VOPP1: variants seen among roughly 807,000 people sequenced by gnomAD.
VOPP1 encodes the protein WW domain binding protein VOPP1.
A neutral mutation model predicts 23.5 loss-of-function variants in VOPP1; 8 were observed. The observed-to-expected ratio is 0.34, with a 90% CI of 0.20 to 0.61. The LOEUF is 0.61. VOPP1 is among the 20% of genes least tolerant of loss of function. VOPP1 has a pLI of 0.78. For synonymous variants in VOPP1, 83 were observed against 97.3 expected (o/e 0.85, Z 0.86); for missense variants, 174 against 238.1 (o/e 0.73, Z 1.77).
At chr7:55,565,026 C>A (rs1798119085) in intron 1 of VOPP1, among the ~76,000 whole-genome samples, 1 of 152,228 alleles carries the variant, frequency 6.6e-6, no homozygotes, top group Admixed American at 6.5e-5. Flanking sequence ...TTGTTCTGGT[C>A]TGAGGACATT....
At chr7:55,564,139 A>G (rs913695445) in intron 1 of VOPP1, among the ~76,000 whole-genome samples, 1 of 152,256 alleles carries the variant, frequency 6.6e-6, no homozygotes, top group African/African-American at 2.4e-5. Flanking sequence ...CACTCACCGC[A>G]GGCCTGGCTG....
rs564415097 is a variant in VOPP1, at chr7:55,490,288, C to G, written c.328+1994G>C. On this transcript the variant is annotated intron_variant, in intron 4 of 4. Coordinates refer to ENST00000285279, the MANE Select transcript of VOPP1 (RefSeq NM_030796.5). Reference sequence around the variant, plus strand: ...CTCCAGGGTGAGATAAGGGATGTGGCAGATCTAATCGCCTGGTTGCTGGGG... The same window carrying G: ...CTCCAGGGTGAGATAAGGGATGTGGGAGATCTAATCGCCTGGTTGCTGGGG... Among the ~76,000 whole-genome samples, 519 of 152,200 alleles carry G rather than the reference C, an allele frequency of 3.4e-3. 2 individuals are homozygous for G. The highest frequency in any genetic ancestry group is 0.024 in the Middle Eastern group (7 of 294).
chr7:55,536,918 G>A (rs1030092349), intron 1 of VOPP1, among the ~76,000 whole-genome samples: 2 of 152,170 alleles, frequency 1.3e-5, no homozygotes, highest in Admixed American at 1.3e-4. Context: ...CAGAATGGCA[G>A]CCAGACCGCA....
At chr7:55,444,844 G>C (rs1791056326) in intron 4 of VOPP1, among the ~76,000 whole-genome samples, 1 of 151,788 alleles carries the variant, frequency 6.6e-6, no homozygotes, top group Non-Finnish European at 1.5e-5. Flanking sequence ...TTTTCTGACA[G>C]TACCTTGGGT....
chr7:55,483,593 C>G (rs1792905084), intron 4 of VOPP1, among the ~76,000 whole-genome samples: 1 of 151,980 alleles, frequency 6.6e-6, no homozygotes, highest in South Asian at 2.1e-4. Context: ...GTTTATGATT[C>G]TCTCCAAAAG....
chr7:55,456,847 T>TA (rs1232638599), intron 4 of VOPP1, among the ~76,000 whole-genome samples: 3 of 152,134 alleles, frequency 2.0e-5, no homozygotes, highest in Non-Finnish European at 4.4e-5. Context: ...ACACCTAATG[T>TA]AGATGATGGG....
chr7:55,555,514 G>A (rs1003987589), intron 1 of VOPP1, among the ~76,000 whole-genome samples: 3 of 152,216 alleles, frequency 2.0e-5, no homozygotes, highest in African/African-American at 7.2e-5. Flanking sequence ...CACAGTGGGG[G>A]TAACCACTAG....
chr7:55,571,508 T>C (rs1470168769), intron 1 of VOPP1, among the ~76,000 whole-genome samples: 3 of 152,232 alleles, frequency 2.0e-5, no homozygotes. Context: ...ATTCCTCTAG[T>C]TCGCATTTTA....
intron 2 of VOPP1, among the ~76,000 whole-genome samples, chr7:55,513,213 C>T (rs1399173340): frequency 3.3e-5 from 5 of 152,042 alleles, no homozygotes; most frequent in Non-Finnish European, 7.4e-5. Flanking sequence ...CAGGACAGGC[C>T]CTGCCTCCCT....
intron 1 of VOPP1, among the ~76,000 whole-genome samples, chr7:55,534,373 C>T (rs1584057119): frequency 2.6e-5 from 4 of 152,194 alleles, no homozygotes; most frequent in Admixed American, 6.5e-5. Context: ...GTCATGGTCA[C>T]CTGTGGCTTG....
At chr7:55,538,852 C>T (rs1487475909) in intron 1 of VOPP1, among the ~76,000 whole-genome samples, 1 of 147,320 alleles carries the variant, frequency 6.8e-6, no homozygotes, top group African/African-American at 2.5e-5. Context: ...AGATGCAGAA[C>T]ACTGTCTATA....
rs373352328 is a variant in VOPP1 at position 55,473,058 on chromosome 7, C to A, written c.329-13G>T. 87 of 1,594,730 alleles carry A rather than the reference C, an allele frequency of 5.5e-5. No individual in the cohort carries two copies. The highest frequency in any genetic ancestry group is 6.5e-5 in the Non-Finnish European group (76 of 1,172,478). On this transcript the variant is annotated splice_polypyrimidine_tract_variant and intron_variant, in intron 4 of 4. Coordinates refer to ENST00000285279, the MANE Select transcript of VOPP1 (RefSeq NM_030796.5). ...GGCTGCTGGGCTCCTGAAAGACAGA[C>A]AAACATAGGTGAGCACAGAAGGGAA...
intron 2 of VOPP1, among the ~76,000 whole-genome samples, chr7:55,516,920 ATATATATATATATTTTTTTTTT>A (rs1795459340): frequency 2.9e-5 from 1 of 34,352 alleles, no homozygotes; most frequent in Non-Finnish European, 5.3e-5. Context: ...ATATATATAT[ATATATATATATATTTTTTTTTT>A]TTTTTTTTTT....
chr7:55,491,129 G>A (rs2129018635), intron 4 of VOPP1, among the ~76,000 whole-genome samples: 1 of 152,276 alleles, frequency 6.6e-6, no homozygotes, highest in African/African-American at 2.4e-5. Flanking sequence ...AAAGACAGGG[G>A]CACATCCAGA....
At chr7:55,491,513 G>A (rs532789253) in intron 4 of VOPP1, among the ~76,000 whole-genome samples, 1 of 152,234 alleles carries the variant, frequency 6.6e-6, no homozygotes, top group East Asian at 1.9e-4. Context: ...CTCTACACCT[G>A]GCCAGAAGAC....
intron 1 of VOPP1, among the ~76,000 whole-genome samples, chr7:55,541,140 C>G (rs1289184597): frequency 6.6e-6 from 1 of 152,158 alleles, no homozygotes; most frequent in Non-Finnish European, 1.5e-5. Context: ...CTAGTGGGTA[C>G]AGGGTTTCTT....
intron 1 of VOPP1, among the ~76,000 whole-genome samples, chr7:55,537,078 G>A (rs960333672): frequency 4.6e-5 from 7 of 152,274 alleles, no homozygotes; most frequent in Admixed American, 3.3e-4. Flanking sequence ...GAAACGCAAT[G>A]CAGATGGTGA....
At chr7:55,497,725 T>C in intron 2 of VOPP1, 35 bp from the exon 3 acceptor site, 2 of 1,601,304 alleles carry the variant, frequency 1.2e-6, no homozygotes, top group Middle Eastern at 1.7e-4. Flanking sequence ...CAGCACTGAA[T>C]TGGAAGCAGC....
intron 4 of VOPP1, among the ~76,000 whole-genome samples, chr7:55,481,844 G>C (rs936584850): frequency 3.9e-5 from 6 of 152,218 alleles, no homozygotes; most frequent in Non-Finnish European, 5.9e-5. Flanking sequence ...AATCGCCACA[G>C]AAGCACGAAG....
Sources: gnomAD v4.1 joint callset for allele counts (sites outside exome capture counted in the v4.1 genomes callset) on GRCh38, gnomAD v4.1.1 for gene constraint, MANE v1.5 for transcripts, NCBI Gene and HGNC (gene_info 2026-07-23, HGNC 2026-07-21) for gene names.